Variants in PRDM11 observed in about 807,000 individuals in gnomAD.
PRDM11 encodes the protein PR domain-containing protein 11.
PRDM11 carries 20 observed loss-of-function variants against 97.8 expected under a neutral mutation model. The observed-to-expected ratio is 0.20, with a 90% CI of 0.14 to 0.30. The LOEUF is 0.30. PRDM11 is among the 10% of genes least tolerant of loss of function. The pLI, the probability that PRDM11 is intolerant of heterozygous loss-of-function variation, is 1.00. For missense variants in PRDM11, 1,139 were observed against 1,555.2 expected (o/e 0.73, Z 4.50); for synonymous variants, 599 against 637.7 (o/e 0.94, Z 0.91).
chr11:45,201,562 TG>T (rs1158905296), intron 4 of PRDM11, among the ~76,000 whole-genome samples: 1 of 152,136 alleles, frequency 6.6e-6, no homozygotes, highest in East Asian at 1.9e-4. Flanking sequence ...GGCACAATCA[TG>T]GGTTACTGCA....
chr11:45,213,346 G>A (rs1275084618), intron 5 of PRDM11: 2 of 454,440 alleles, frequency 4.4e-6, no homozygotes, highest in African/African-American at 4.0e-5. Context: ...TGCAGGGAGG[G>A]GGGCGCAACA....
At chr11:45,113,281 C>T (rs558740910) in intron 1 of PRDM11, among the ~76,000 whole-genome samples, 45 of 152,024 alleles carry the variant, frequency 3.0e-4, no homozygotes, top group Non-Finnish European at 5.4e-4. Context: ...GCTTTATTTC[C>T]GGGTTCTCTA....
intron 1 of PRDM11, among the ~76,000 whole-genome samples, chr11:45,127,651 G>A (rs10838422): frequency 0.32 from 48,051 of 151,916 alleles, 8,315 homozygotes; most frequent in African/African-American, 0.43. Flanking sequence ...CAGAACAGCG[G>A]TGGCTGTAGA....
Position 45,224,332 on chromosome 11 carries a change from C to T in PRDM11, c.858C>T (p.Gly286=). ...AGGGCAAAAGTCCCTACAAGCGTGG[C>T]TTTGATGAGGGGGATGTACACCCCC... ...LRQGKSPYKR[G]FDEGDVHPQA... Residue 286 remains glycine (G), a synonymous_variant, in exon 7 of 8, where the codon GGC becomes GGT. Transcript: ENST00000683152. 5 of 1,614,126 alleles carry T rather than the reference C, an allele frequency of 3.1e-6. No homozygotes were observed. Among genetic ancestry groups the T allele is most frequent in the Non-Finnish European group, 3.4e-6 (4 of 1,180,036 alleles).
chr11:45,103,126 G>A (rs1565221141), intron 1 of PRDM11, among the ~76,000 whole-genome samples: 1 of 152,176 alleles, frequency 6.6e-6, no homozygotes, highest in East Asian at 1.9e-4. Flanking sequence ...GGTCATCACT[G>A]GACAGTTGCC....
chr11:45,129,259 C>G (rs79385029), intron 1 of PRDM11, among the ~76,000 whole-genome samples: 3,708 of 152,194 alleles, frequency 0.024, 151 homozygotes, highest in African/African-American at 0.085. Context: ...AGGCTACTAT[C>G]GCTACTTCTA....
In PRDM11 at chr11:45,219,889, A is replaced by G; in HGVS notation, c.742+132A>G. On this transcript the variant is annotated intron_variant, in intron 6 of 7. Coordinates refer to ENST00000683152, the MANE Select transcript of PRDM11 (RefSeq NM_001384648.1). The surrounding 1 kb of genome is among the most constrained non-coding windows in gnomAD (Gnocchi z 4.2). ...GACCCAGAGTGATTCGGGGGAACAGATGGTTGAGGTCTGAGCAGCAGCTCT... is the reference window on the plus strand; with the variant it reads ...GACCCAGAGTGATTCGGGGGAACAGGTGGTTGAGGTCTGAGCAGCAGCTCT... 8.7e-7 allele frequency: 1 copy of G among 1,148,448 alleles called. No individual in the cohort carries two copies. The highest frequency in any genetic ancestry group is 1.2e-6 in the Non-Finnish European group (1 of 834,560). The allele number at this position is 1,148,448 out of a possible 1,614,324, so 71.1% of individuals were successfully genotyped here.
At chr11:45,212,581 C>A (rs1196336454) in intron 5 of PRDM11, 1 of 456,408 alleles carries the variant, frequency 2.2e-6, no homozygotes, top group South Asian at 1.5e-5. Context: ...TCCGTTCATC[C>A]TCCTCCTCAG....
chr11:45,168,745 C>T (rs1565284122), intron 1 of PRDM11, among the ~76,000 whole-genome samples: 1 of 152,196 alleles, frequency 6.6e-6, no homozygotes. Flanking sequence ...CACTGGGTCT[C>T]CAGCACCCGG....
intron 1 of PRDM11, among the ~76,000 whole-genome samples, chr11:45,137,197 C>T (rs1469040843): frequency 6.8e-6 from 1 of 147,100 alleles, no homozygotes; most frequent in East Asian, 2.0e-4. Flanking sequence ...ACAGATGGGG[C>T]CGAGGCAGGC....
chr11:45,123,869 C>T (rs1276593478), intron 1 of PRDM11, among the ~76,000 whole-genome samples: 2,566 of 148,656 alleles, frequency 0.017, 86 homozygotes, highest in African/African-American at 0.06. Context: ...TAATTTTTTC[C>T]AATTCTGTGA....
intron 1 of PRDM11, among the ~76,000 whole-genome samples, chr11:45,096,328 T>C (rs142341188): frequency 6.6e-6 from 1 of 152,360 alleles, no homozygotes; most frequent in African/African-American, 2.4e-5. Context: ...ATTGAGCACC[T>C]ATTGTGTGCA....
At chr11:45,131,172 T>C (rs1236424730) in intron 1 of PRDM11, among the ~76,000 whole-genome samples, 4 of 152,212 alleles carry the variant, frequency 2.6e-5, no homozygotes, top group African/African-American at 4.8e-5. Context: ...ATTTCATTTA[T>C]GTGAAGTTCA....
upstream of PRDM11, among the ~76,000 whole-genome samples, chr11:45,144,113 C>G (rs1340202400): frequency 2.0e-5 from 3 of 152,232 alleles, no homozygotes; most frequent in African/African-American, 7.2e-5. Flanking sequence ...ACAATTCCCC[C>G]AGCCTTGTTT....
At chr11:45,110,783 A>G (rs1852161020) in intron 1 of PRDM11, among the ~76,000 whole-genome samples, 2 of 152,074 alleles carry the variant, frequency 1.3e-5, no homozygotes, top group African/African-American at 2.4e-5. Context: ...GTGTTACTTC[A>G]TTTGTCCAGC....
intron 1 of PRDM11, among the ~76,000 whole-genome samples, chr11:45,129,229 C>A (rs1412930633): frequency 6.6e-6 from 1 of 152,164 alleles, no homozygotes; most frequent in Admixed American, 6.5e-5. Flanking sequence ...TGCTTTTCCT[C>A]TGAGGTTAGG....
chr11:45,126,343 G>A (rs1229034432), intron 1 of PRDM11, among the ~76,000 whole-genome samples: 12 of 152,012 alleles, frequency 7.9e-5, no homozygotes, highest in Non-Finnish European at 1.3e-4. Flanking sequence ...TACATTTAAA[G>A]TTAATATTGT....
chr11:45,219,874 G>C lies in PRDM11; in HGVS notation c.742+117G>C. 1 of 1,245,808 alleles carries C rather than the reference G, an allele frequency of 8.0e-7. No individual in the cohort carries two copies. The highest frequency in any genetic ancestry group is 2.6e-5 in the Admixed American group (1 of 38,414). The allele number at this position is 1,245,808 out of a possible 1,614,324, so 77.2% of individuals were successfully genotyped here. A position where few individuals can be genotyped will look rare whatever the true frequency, so the allele number is the denominator to read the frequency against. On this transcript the variant is annotated intron_variant, in intron 6 of 7. Coordinates refer to ENST00000683152, the MANE Select transcript of PRDM11 (RefSeq NM_001384648.1). This position sits in a 1 kb window ranked among gnomAD's most constrained non-coding sequence, Gnocchi z 4.2. The stretch of plus-strand genomic sequence containing the variant: ...TCCCAGCAATGGGAAGACCCAGAGT[G>C]ATTCGGGGGAACAGATGGTTGAGGT...
chr11:45,180,559 C>A (rs920884258), intron 1 of PRDM11, among the ~76,000 whole-genome samples: 2 of 151,604 alleles, frequency 1.3e-5, no homozygotes, highest in Admixed American at 6.6e-5. Flanking sequence ...CCCGCCCGGG[C>A]GCCCGCTTCC....
Sources: gnomAD v4.1 joint callset for allele counts (sites outside exome capture counted in the v4.1 genomes callset) on GRCh38, gnomAD v4.1.1 for gene constraint, Gnocchi (gnomAD v3.1) non-coding constraint, MANE v1.5 for transcripts, NCBI Gene and HGNC (gene_info 2026-07-23, HGNC 2026-07-21) for gene names.